Variants in RBFOX1 observed in about 807,000 individuals in gnomAD.
The protein encoded by RBFOX1 is RNA binding protein fox-1 homolog 1.
A neutral mutation model predicts 57.7 loss-of-function variants in RBFOX1; 8 were observed. The ratio of observed to expected loss-of-function variants is 0.14; its 90% CI spans 0.08 to 0.25. RBFOX1 has a LOEUF of 0.25. RBFOX1 is among the 10% of genes least tolerant of loss of function. The pLI, the probability that RBFOX1 is intolerant of heterozygous loss-of-function variation, is 1.00. For missense variants in RBFOX1, 611 were observed against 548.5 expected (o/e 1.11, Z -1.14); for synonymous variants, 326 against 222.4 (o/e 1.47, Z -4.15).
At chr16:6,986,400 T>C (rs2153601268) in intron 3 of RBFOX1, among the ~76,000 whole-genome samples, 1 of 152,062 alleles carries the variant, frequency 6.6e-6, no homozygotes, top group East Asian at 1.9e-4. Context: ...GGTTTCACCA[T>C]GTTGGCCAGG....
chr16:7,570,107 A>G (rs890387993), intron 5 of RBFOX1, among the ~76,000 whole-genome samples: 1 of 152,136 alleles, frequency 6.6e-6, no homozygotes, highest in African/African-American at 2.4e-5. Flanking sequence ...ACATGATAGC[A>G]TGTTGAAATA....
chr16:6,537,564 C>A (rs1198731583), intron 2 of RBFOX1, among the ~76,000 whole-genome samples: 3 of 152,148 alleles, frequency 2.0e-5, no homozygotes, highest in Admixed American at 6.5e-5. Context: ...TGAACCCAGG[C>A]AGTATGATTT....
At chr16:7,275,661 A>G (rs1267659990) in intron 4 of RBFOX1, among the ~76,000 whole-genome samples, 1 of 152,236 alleles carries the variant, frequency 6.6e-6, no homozygotes, top group African/African-American at 2.4e-5. Flanking sequence ...TTCGGGGAAC[A>G]TAATTGGAGT....
At chr16:6,527,314 T>C (rs1469064387) in intron 2 of RBFOX1, among the ~76,000 whole-genome samples, 2 of 152,046 alleles carry the variant, frequency 1.3e-5, no homozygotes, top group Non-Finnish European at 2.9e-5. Context: ...AGGTATATAC[T>C]AAGAGGGGTG....
chr16:6,503,387 T>C (rs2095996438), intron 2 of RBFOX1, among the ~76,000 whole-genome samples: 1 of 152,194 alleles, frequency 6.6e-6, no homozygotes, highest in African/African-American at 2.4e-5. Flanking sequence ...CTTTTGCTGG[T>C]AACAAACAAT....
chr16:6,664,802 A>G (rs540647608), intron 3 of RBFOX1, among the ~76,000 whole-genome samples: 1 of 152,294 alleles, frequency 6.6e-6, no homozygotes, highest in Non-Finnish European at 1.5e-5. Flanking sequence ...AATTTATTTC[A>G]AAAGGCAAGG....
At chr16:5,314,774 T>G (rs1172266662) in intron 1 of RBFOX1, among the ~76,000 whole-genome samples, 2 of 151,804 alleles carry the variant, frequency 1.3e-5, no homozygotes, top group African/African-American at 4.8e-5. Flanking sequence ...GTGCTGAGAT[T>G]TGAGGCATGA....
intron 4 of RBFOX1, among the ~76,000 whole-genome samples, chr16:7,296,172 A>T (rs923330819): frequency 2.0e-5 from 3 of 152,024 alleles, no homozygotes. Flanking sequence ...GCTAAATGAG[A>T]AAATTAAGGG....
At chr16:6,362,530 C>A (rs2088763869) in intron 2 of RBFOX1, among the ~76,000 whole-genome samples, 1 of 152,182 alleles carries the variant, frequency 6.6e-6, no homozygotes, top group African/African-American at 2.4e-5. Flanking sequence ...TGTGCCAGGA[C>A]ATATGAAATT....
chr16:6,787,330 T>C (rs2082139233), intron 3 of RBFOX1, among the ~76,000 whole-genome samples: 1 of 152,194 alleles, frequency 6.6e-6, no homozygotes, highest in Middle Eastern at 3.2e-3. Flanking sequence ...TATTCATCAA[T>C]AACAGCACAT....
At chr16:7,265,791 T>C (rs542610912) in intron 4 of RBFOX1, among the ~76,000 whole-genome samples, 1 of 151,996 alleles carries the variant, frequency 6.6e-6, no homozygotes, top group South Asian at 2.1e-4. Flanking sequence ...TCAGGAGGGA[T>C]TACCTTTGAT....
At chr16:6,275,441 C>A (rs1271994906) in intron 1 of RBFOX1, among the ~76,000 whole-genome samples, 1 of 152,206 alleles carries the variant, frequency 6.6e-6, no homozygotes, top group Non-Finnish European at 1.5e-5. Context: ...TGTTTTCACA[C>A]ACCTGATCTC....
chr16:6,022,473 G>A, intron 1 of RBFOX1, among the ~76,000 whole-genome samples: 1 of 152,142 alleles, frequency 6.6e-6, no homozygotes, highest in South Asian at 2.1e-4. Flanking sequence ...TTGAGTCCAG[G>A]AGTTCAAGAC....
chr16:6,974,303 TTG>T, intron 3 of RBFOX1, among the ~76,000 whole-genome samples: 2 of 151,812 alleles, frequency 1.3e-5, no homozygotes, highest in Middle Eastern at 3.4e-3. Context: ...ACAGTCCAGT[TTG>T]TGGTGATATA....
chr16:7,430,485 C>T (rs1409813741), intron 4 of RBFOX1, among the ~76,000 whole-genome samples: 1 of 152,046 alleles, frequency 6.6e-6, no homozygotes, highest in Non-Finnish European at 1.5e-5. Context: ...CAAGGTGAAA[C>T]CCCGTCTTTA....
At chr16:7,134,995 G>C (rs1045002394) in intron 4 of RBFOX1, among the ~76,000 whole-genome samples, 1 of 151,736 alleles carries the variant, frequency 6.6e-6, no homozygotes, top group Non-Finnish European at 1.5e-5. Flanking sequence ...TCTTTGCAAA[G>C]TGGGATTCCA....
At chr16:6,926,658 G>C (rs1767510754) in intron 3 of RBFOX1, among the ~76,000 whole-genome samples, 1 of 152,124 alleles carries the variant, frequency 6.6e-6, no homozygotes, top group South Asian at 2.1e-4. Flanking sequence ...TGCGGGCTGA[G>C]TAAACATATG....
intron 4 of RBFOX1, among the ~76,000 whole-genome samples, chr16:7,274,408 C>G (rs1367027216): frequency 6.6e-6 from 1 of 152,116 alleles, no homozygotes; most frequent in African/African-American, 2.4e-5. Flanking sequence ...GTAAAGCACA[C>G]CCCTCTCACA....
intron 1 of RBFOX1, among the ~76,000 whole-genome samples, chr16:5,321,626 C>T (rs114669546): frequency 6.6e-6 from 1 of 152,110 alleles, no homozygotes; most frequent in Admixed American, 6.5e-5. Context: ...CAAGAGATCA[C>T]ATTTTTAAAG....
Sources: gnomAD v4.1 joint callset for allele counts (sites outside exome capture counted in the v4.1 genomes callset) on GRCh38, gnomAD v4.1.1 for gene constraint, MANE v1.5 for transcripts, NCBI Gene and HGNC (gene_info 2026-07-23, HGNC 2026-07-21) for gene names.